The following SLC35F4 variants were observed in gnomAD, a reference collection of about 807,000 sequenced individuals.
The protein encoded by SLC35F4 is solute carrier family 35 member F4.
A neutral mutation model predicts 44.2 loss-of-function variants in SLC35F4; 24 were observed. That is an observed-to-expected ratio of 0.54 (90% CI 0.39 to 0.76). The LOEUF (loss-of-function observed/expected upper bound fraction) is 0.76. SLC35F4 is among the 30% of genes least tolerant of loss of function. The pLI is 0.00. For missense variants in SLC35F4, 562 were observed against 586.1 expected (o/e 0.96, Z 0.42); for synonymous variants, 238 against 223.6 (o/e 1.06, Z -0.57).
intron 1 of SLC35F4, among the ~76,000 whole-genome samples, chr14:57,716,542 T>G (rs1030716345): frequency 6.6e-6 from 1 of 152,204 alleles, no homozygotes; most frequent in African/African-American, 2.4e-5. Context: ...TTCATTATGT[T>G]ACTTTATGCT....
At chr14:57,699,274 T>C (rs567504621) in intron 1 of SLC35F4, among the ~76,000 whole-genome samples, 2 of 152,262 alleles carry the variant, frequency 1.3e-5, no homozygotes, top group South Asian at 2.1e-4. Flanking sequence ...TTGGGGACAA[T>C]ATCTTTCACG....
At chr14:57,780,219 A>G (rs980066715) in intron 1 of SLC35F4, among the ~76,000 whole-genome samples, 8 of 152,200 alleles carry the variant, frequency 5.3e-5, no homozygotes, top group African/African-American at 7.2e-5. Flanking sequence ...TTCAGCTGAT[A>G]AATAACTTCA....
At chr14:57,804,341 G>A (rs1185508542) in intron 1 of SLC35F4, among the ~76,000 whole-genome samples, 1 of 152,138 alleles carries the variant, frequency 6.6e-6, no homozygotes, top group African/African-American at 2.4e-5. Flanking sequence ...GAACAATGCT[G>A]GAGGCATCAC....
At chr14:57,622,553 G>T (rs1418891182) in intron 1 of SLC35F4, among the ~76,000 whole-genome samples, 2 of 150,970 alleles carry the variant, frequency 1.3e-5, no homozygotes, top group African/African-American at 2.4e-5. Flanking sequence ...ATCATTCTCA[G>T]TAAACTATCG....
chr14:57,810,601 T>C (rs1881853998), intron 1 of SLC35F4, among the ~76,000 whole-genome samples: 1 of 152,214 alleles, frequency 6.6e-6, no homozygotes, highest in Admixed American at 6.5e-5. Flanking sequence ...CCAATCTTCC[T>C]GCAACAAAGT....
chr14:57,665,543 C>G (rs2074279393), intron 1 of SLC35F4, among the ~76,000 whole-genome samples: 1 of 152,186 alleles, frequency 6.6e-6, no homozygotes. Flanking sequence ...ATTGATTTCG[C>G]TAATCACAGA....
intron 1 of SLC35F4, among the ~76,000 whole-genome samples, chr14:57,641,487 AG>A (rs1364853155): frequency 6.6e-6 from 1 of 151,974 alleles, no homozygotes; most frequent in Non-Finnish European, 1.5e-5. Context: ...GAGGAAATCT[AG>A]GTACACTTTC....
In SLC35F4 at chr14:57,577,353, C is replaced by T. The variant is rs138925241; in HGVS notation, c.807+3861G>A. 2.0e-3 allele frequency among the ~76,000 whole-genome samples: 301 copies of T among 152,248 alleles called. 2 individuals carry two copies. The highest frequency in any genetic ancestry group is 6.9e-3 in the African/African-American group (288 of 41,548). On this transcript the variant is annotated intron_variant, in intron 4 of 7. Coordinates refer to ENST00000556826, the MANE Select transcript of SLC35F4 (RefSeq NM_001306087.2). The stretch of plus-strand genomic sequence containing the variant: ...TAGTTTGGGAAGCTAACTAACTGCA[C>T]AGGGACCCAAATATAGCTGGAAAAT...
At chr14:57,857,858 C>T (rs915672220) in intron 1 of SLC35F4, among the ~76,000 whole-genome samples, 1 of 151,982 alleles carries the variant, frequency 6.6e-6, no homozygotes, top group African/African-American at 2.4e-5. Flanking sequence ...AGAGGGAGCA[C>T]TGGGGCCAAA....
chr14:57,731,302 A>G (rs1350080193), intron 1 of SLC35F4, among the ~76,000 whole-genome samples: 1 of 152,130 alleles, frequency 6.6e-6, no homozygotes, highest in Non-Finnish European at 1.5e-5. Context: ...ATGCAGCAGG[A>G]GTTTACACTT....
At chr14:57,691,077 A>G (rs946780797) in intron 1 of SLC35F4, among the ~76,000 whole-genome samples, 1 of 152,160 alleles carries the variant, frequency 6.6e-6, no homozygotes, top group Non-Finnish European at 1.5e-5. Context: ...AAGTAATGAC[A>G]TCTGATTTAT....
chr14:57,564,022 A>G lies in SLC35F4; in HGVS notation c.*113T>C, dbSNP rs2068082320. On this transcript the variant is annotated 3_prime_UTR_variant, in exon 8 of 8. Coordinates refer to ENST00000556826, the MANE Select transcript of SLC35F4 (RefSeq NM_001306087.2). The stretch of plus-strand genomic sequence containing the variant: ...ACTTTTATTGTTGGCATTATTTCAC[A>G]TATGATTTATCCAAATTCAGAGTTA... 1.7e-6 allele frequency: 2 copies of G among 1,178,580 alleles called. No individual in the cohort carries two copies. Among genetic ancestry groups the G allele is most frequent in the African/African-American group, 1.5e-5 (1 of 65,214 alleles). 73.0% of individuals were successfully genotyped at this position (1,178,580 alleles called of 1,614,324 possible).
rs775046644 is a variant in SLC35F4 at position 57,865,769 on chromosome 14, C to T, written c.57G>A (p.Arg19=). 8.5e-6 allele frequency: 13 copies of T among 1,523,922 alleles called. No individual in the cohort carries two copies. The South Asian group carries it at 1.5e-4, about 17-fold the overall frequency. The allele number at this position is 1,523,922 out of a possible 1,614,324, so 94.4% of individuals were successfully genotyped here. The change falls in exon 1 of 8, where the codon CGG becomes CGA. Residue 19 remains arginine (R), a synonymous_variant. Coordinates refer to ENST00000556826, the MANE Select transcript of SLC35F4 (RefSeq NM_001306087.2). ...GVATIEDRIL[R]ITGYYGYYPG... is the part of the protein sequence containing the mutation. ...GATAATAGCCATAGTAGCCGGTGAT[C>T]CGCAGGATCCGGTCCTCGATAGTGG... is the stretch of plus-strand genomic sequence containing the variant.
At chr14:57,909,998 G>T (rs980683098) in intron 1 of SLC35F4, among the ~76,000 whole-genome samples, 4 of 152,100 alleles carry the variant, frequency 2.6e-5, no homozygotes, top group African/African-American at 7.2e-5. Context: ...ATTCTAATAG[G>T]TATGTTGTAG....
At chr14:57,587,894 T>C (rs1167776838) in intron 3 of SLC35F4, among the ~76,000 whole-genome samples, 15 of 108,854 alleles carry the variant, frequency 1.4e-4, no homozygotes, top group Middle Eastern at 6.1e-3. Context: ...AAAAAGAAAA[T>C]GGTAGTTGAG....
intron 1 of SLC35F4, among the ~76,000 whole-genome samples, chr14:57,636,306 T>C (rs1298593862): frequency 6.6e-6 from 1 of 152,152 alleles, no homozygotes; most frequent in African/African-American, 2.4e-5. Context: ...TAACATGCTT[T>C]GAAAACTTAT....
chr14:57,654,850 T>C (rs2073908808), intron 1 of SLC35F4, among the ~76,000 whole-genome samples: 1 of 152,200 alleles, frequency 6.6e-6, no homozygotes, highest in South Asian at 2.1e-4. Context: ...TTGGGGGACA[T>C]AATTCAAACC....
Position 57,709,894 on chromosome 14 carries a change from A to T in SLC35F4, c.104-115770T>A, listed in dbSNP as rs529162628. Among the ~76,000 whole-genome samples, 8 of 152,344 alleles carry T rather than the reference A, an allele frequency of 5.3e-5. No homozygotes were observed. The South Asian group carries it at 1.7e-3, about 32-fold the overall frequency. On this transcript the variant is annotated intron_variant, in intron 1 of 7. Transcript: ENST00000556826. ...CTTATGTTTTAAAGGGAAGCAGAACATAAATGTTTGGAGAATTTACAGCCT... is the reference window on the plus strand; with the variant it reads ...CTTATGTTTTAAAGGGAAGCAGAACTTAAATGTTTGGAGAATTTACAGCCT...
intron 1 of SLC35F4, among the ~76,000 whole-genome samples, chr14:57,833,016 C>T (rs540842109): frequency 8.5e-5 from 13 of 152,242 alleles, no homozygotes; most frequent in African/African-American, 1.7e-4. Context: ...TGTAGGAACA[C>T]GAGAGCAGGT....
Sources: allele counts gnomAD v4.1 joint callset (sites outside exome capture counted in the v4.1 genomes callset), GRCh38; gene constraint gnomAD v4.1.1; transcripts MANE v1.5; gene names NCBI Gene and HGNC (gene_info 2026-07-23, HGNC 2026-07-21).